The following MAML3 variants were observed in gnomAD, a reference collection of about 807,000 sequenced individuals.
MAML3 encodes mastermind-like protein 3.
In MAML3, 27 loss-of-function variants were observed where a neutral mutation model predicts 101.9. The observed-to-expected ratio is 0.27, with a 90% CI of 0.20 to 0.37. MAML3 has a LOEUF of 0.37. Ranked by LOEUF, MAML3 falls within the 10% of genes least tolerant of loss-of-function variation. The pLI is 1.00. For synonymous variants in MAML3, 501 were observed against 555.9 expected, an observed-to-expected ratio of 0.90 and a Z score of 1.39; for missense variants, 1,316 against 1,444.9, an observed-to-expected ratio of 0.91 and a Z score of 1.45.
At chr4:140,116,189 T>C (rs973631676) in intron 1 of MAML3, among the ~76,000 whole-genome samples, 1 of 152,224 alleles carries the variant, frequency 6.6e-6, no homozygotes, top group Non-Finnish European at 1.5e-5. Context: ...CACTCCTTCA[T>C]ATAAGGCAAA....
At chr4:139,793,298 G>A (rs530680800) in intron 2 of MAML3, among the ~76,000 whole-genome samples, 13 of 152,156 alleles carry the variant, frequency 8.5e-5, no homozygotes, top group African/African-American at 2.4e-4. Flanking sequence ...CGAACTCCCC[G>A]TACAGGACAT....
chr4:139,983,210 T>A (rs1445480195), intron 1 of MAML3, among the ~76,000 whole-genome samples: 1 of 152,234 alleles, frequency 6.6e-6, no homozygotes, highest in African/African-American at 2.4e-5. Flanking sequence ...TAGGGCGTTA[T>A]ACAGAGTATA....
intron 1 of MAML3, among the ~76,000 whole-genome samples, chr4:140,060,818 C>G (rs987316628): frequency 6.6e-6 from 1 of 152,024 alleles, no homozygotes; most frequent in African/African-American, 2.4e-5. Context: ...TGACCTATTC[C>G]TAATTACGAT....
chr4:140,080,662 G>A (rs1210088470), intron 1 of MAML3, among the ~76,000 whole-genome samples: 1 of 152,056 alleles, frequency 6.6e-6, no homozygotes, highest in Non-Finnish European at 1.5e-5. Context: ...ATGGAGGTAA[G>A]AAAATATATG....
chr4:139,731,110 G>T, intron 2 of MAML3: 1 of 165,850 alleles, frequency 6.0e-6, no homozygotes, highest in Non-Finnish European at 1.3e-5. Flanking sequence ...GCAAGTAGGA[G>T]GGACATTTGC....
intron 1 of MAML3, among the ~76,000 whole-genome samples, chr4:139,894,090 C>A (rs1329454597): frequency 6.6e-6 from 1 of 152,202 alleles, no homozygotes; most frequent in East Asian, 1.9e-4. Flanking sequence ...GACACCTGAA[C>A]ACTCACATGT....
chr4:140,100,232 C>A (rs888041130), intron 1 of MAML3, among the ~76,000 whole-genome samples: 1 of 152,138 alleles, frequency 6.6e-6, no homozygotes, highest in African/African-American at 2.4e-5. Context: ...CTCTCTGCAA[C>A]GTTCCCGGAT....
At chr4:139,894,511 AAAAGAAAGAAAG>A (rs58209239) in intron 1 of MAML3, among the ~76,000 whole-genome samples, 2,435 of 136,452 alleles carry the variant, frequency 0.018, 33 homozygotes, top group African/African-American at 0.041. Flanking sequence ...TCCATCTTAA[AAAAGAAAGAAAG>A]AAAGAAAGAA....
At chr4:139,831,909 C>T (rs1401980820) in intron 2 of MAML3, among the ~76,000 whole-genome samples, 1 of 151,776 alleles carries the variant, frequency 6.6e-6, no homozygotes, top group African/African-American at 2.4e-5. Context: ...TCTCCTGCCT[C>T]AGCCTCCCAA....
chr4:139,902,598 C>T (rs1203177548), intron 1 of MAML3, among the ~76,000 whole-genome samples: 1 of 152,136 alleles, frequency 6.6e-6, no homozygotes, highest in Non-Finnish European at 1.5e-5. Flanking sequence ...TCATTTGAGC[C>T]GCTCTGAAAA....
intron 1 of MAML3, among the ~76,000 whole-genome samples, chr4:139,942,829 A>G (rs902001499): frequency 4.6e-5 from 7 of 152,200 alleles, no homozygotes; most frequent in Non-Finnish European, 7.4e-5. Flanking sequence ...AATAAAGCAG[A>G]TATCTGTGAA....
chr4:139,832,013 T>TCGA (rs1731172590), intron 2 of MAML3, among the ~76,000 whole-genome samples: 1 of 151,138 alleles, frequency 6.6e-6, no homozygotes, highest in East Asian at 1.9e-4. Context: ...CAGGATGGTC[T>TCGA]CGATCTCCTG....
At chr4:139,728,553 G>A (rs764044868) in intron 3 of MAML3, among the ~76,000 whole-genome samples, 19 of 152,194 alleles carry the variant, frequency 1.2e-4, no homozygotes, top group Admixed American at 2.6e-4. Context: ...CACATCACAT[G>A]CAAAAGAACG....
intron 1 of MAML3, among the ~76,000 whole-genome samples, chr4:140,059,551 A>G (rs1178791882): frequency 6.6e-6 from 1 of 152,242 alleles, no homozygotes; most frequent in African/African-American, 2.4e-5. Flanking sequence ...GGAGATTTTA[A>G]AAATACTTAT....
chr4:139,815,615 T>A (rs969478716), intron 2 of MAML3, among the ~76,000 whole-genome samples: 9 of 152,206 alleles, frequency 5.9e-5, no homozygotes, highest in African/African-American at 1.7e-4. Flanking sequence ...CAATGATCAG[T>A]ATGCAGAGGC....
At position 140,153,292 on chromosome 4, in the gene MAML3, A is replaced by G; in HGVS notation, c.36T>C (p.Asn12=). 6.2e-6 allele frequency: 10 copies of G among 1,602,102 alleles called. No homozygotes were observed. Among genetic ancestry groups the G allele is most frequent in the Non-Finnish European group, 8.5e-6 (10 of 1,173,162 alleles). ...GDFAAPAAAA[N]GSSICINSSL... is the part of the protein sequence containing the mutation. ...TACTGTTGATGCAAATACTACTGCC[A>G]TTCGCGGCAGCAGCGGGGGCTGCGA... is the stretch of plus-strand genomic sequence containing the variant. The change falls in exon 1 of 5, where the codon AAT becomes AAC. Residue 12 remains asparagine, a synonymous_variant. Coordinates refer to ENST00000509479, the MANE Select transcript of MAML3 (RefSeq NM_018717.5).
At chr4:140,071,871 G>C (rs996866414) in intron 1 of MAML3, among the ~76,000 whole-genome samples, 2 of 151,944 alleles carry the variant, frequency 1.3e-5, no homozygotes, top group African/African-American at 2.4e-5. Context: ...TCTCATTCAT[G>C]ATCAGAAAGT....
chr4:139,818,359 G>C (rs1439111337), intron 2 of MAML3, among the ~76,000 whole-genome samples: 5 of 152,212 alleles, frequency 3.3e-5, no homozygotes, highest in Non-Finnish European at 5.9e-5. Flanking sequence ...TTAAACTCCT[G>C]TGCCTGTGGT....
intron 2 of MAML3, among the ~76,000 whole-genome samples, chr4:139,817,916 C>T (rs1446048597): frequency 1.3e-5 from 2 of 152,204 alleles, no homozygotes; most frequent in Non-Finnish European, 2.9e-5. Context: ...GTAGTTATGA[C>T]TTCTTGTAGC....
Sources: gnomAD v4.1 joint callset for allele counts (sites outside exome capture counted in the v4.1 genomes callset) on GRCh38, gnomAD v4.1.1 for gene constraint, MANE v1.5 for transcripts, NCBI Gene and HGNC (gene_info 2026-07-23, HGNC 2026-07-21) for gene names.